L3MBTL1: variants seen among roughly 807,000 people sequenced by gnomAD.
The protein encoded by L3MBTL1 is L3MBTL histone methyl-lysine binding protein 1.
Under a neutral mutation model 105.3 loss-of-function variants are expected in L3MBTL1, and 75 were observed. That is an observed-to-expected ratio of 0.71 (90% CI 0.59 to 0.86). The LOEUF (loss-of-function observed/expected upper bound fraction) is 0.86, where lower values mean the gene tolerates loss of function less well. Ranked by LOEUF, L3MBTL1 falls within the 40% of genes least tolerant of loss-of-function variation. The probability of loss-of-function intolerance (pLI) is 0.00; values close to 1 mark genes in which losing one functional copy is unlikely to be tolerated. For missense variants in L3MBTL1, 1,069 were observed against 1,126.4 expected (o/e 0.95, Z 0.73); for synonymous variants, 452 against 436.2 (o/e 1.04, Z -0.45).
chr20:43,516,215 G>A lies in L3MBTL1; in HGVS notation c.862+38G>A. ...GTGTGTATATATATTCGTGTGAGGTGTGTATATACCTTTGGAGGTGTGAGG... is the reference window on the plus strand; with the variant it reads ...GTGTGTATATATATTCGTGTGAGGTATGTATATACCTTTGGAGGTGTGAGG... On this transcript the variant is annotated intron_variant, in intron 7 of 21. Transcript: ENST00000418998. 2.7e-6 allele frequency: 4 copies of A among 1,473,966 alleles called. No individual in the cohort carries two copies. The South Asian group carries it at 3.4e-5, about 13-fold the overall frequency. The allele number at this position is 1,473,966 out of a possible 1,614,324, so 91.3% of individuals were successfully genotyped here.
chr20:43,536,396 C>T lies in L3MBTL1; in HGVS notation c.2124-13C>T, dbSNP rs749923859. ...CTGATTCCCTGCCATGGACCTGGTC[C>T]GTCTTTCTCCAGAATTGGACGCCCT... On this transcript the variant is annotated splice_polypyrimidine_tract_variant and intron_variant, in intron 18 of 21. Coordinates refer to ENST00000418998, the MANE Select transcript of L3MBTL1 (RefSeq NM_001377303.1). 11 of 1,613,884 alleles carry T rather than the reference C, an allele frequency of 6.8e-6. No homozygotes were observed. The highest frequency in any genetic ancestry group is 5.3e-5 in the African/African-American group (4 of 74,936).
chr20:43,539,979 T>C (rs908127847), intron 19 of L3MBTL1, 172 bp from the exon 20 acceptor site: 1 of 706,882 alleles, frequency 1.4e-6, no homozygotes, highest in African/African-American at 1.7e-5. Context: ...GTGAACACTG[T>C]GTGAGGAGTC....
chr20:43,534,511 T>C, intron 15 of L3MBTL1, 117 bp downstream of exon 15: 1 of 807,578 alleles, frequency 1.2e-6, no homozygotes. Context: ...AGATCTTGAA[T>C]CTCATTCTTG....
At chr20:43,531,024 A>G (rs558228522) in intron 11 of L3MBTL1, 135 bp downstream of exon 11, 1 of 725,106 alleles carries the variant, frequency 1.4e-6, no homozygotes, top group African/African-American at 1.8e-5. Flanking sequence ...CTCATATCAG[A>G]TGGGAGGGGT....
chr20:43,544,752 G>T (rs1978473846), downstream of L3MBTL1, among the ~76,000 whole-genome samples: 1 of 152,134 alleles, frequency 6.6e-6, no homozygotes, highest in Non-Finnish European at 1.5e-5. Flanking sequence ...ATTATTTGAG[G>T]TCAGGAGTTC....
chr20:43,516,419 G>C (rs1204993061), intron 7 of L3MBTL1, among the ~76,000 whole-genome samples: 2 of 152,188 alleles, frequency 1.3e-5, no homozygotes, highest in Non-Finnish European at 2.9e-5. Flanking sequence ...GTCATGACTA[G>C]GCCCCAGTGC....
At chr20:43,548,007 C>A in intron 18 of L3MBTL1, 1 of 613,764 alleles carries the variant, frequency 1.6e-6, no homozygotes, top group Non-Finnish European at 2.5e-6. Flanking sequence ...TTTACTCCTA[C>A]TCCCCTCCCC....
chr20:43,545,858 G>A (rs778824527), downstream of L3MBTL1, among the ~76,000 whole-genome samples: 1 of 152,200 alleles, frequency 6.6e-6, no homozygotes, highest in Non-Finnish European at 1.5e-5. Context: ...CAGAGCTGCT[G>A]GGGGGACAGA....
intron 7 of L3MBTL1, among the ~76,000 whole-genome samples, chr20:43,520,756 A>T (rs570497897): frequency 3.2e-4 from 49 of 152,308 alleles, no homozygotes; most frequent in Non-Finnish European, 6.0e-4. Flanking sequence ...AACAGATTTT[A>T]TATTGAAATA....
chr20:43,525,869 A>G (rs1398481594), intron 7 of L3MBTL1, among the ~76,000 whole-genome samples: 1 of 152,230 alleles, frequency 6.6e-6, no homozygotes, highest in Non-Finnish European at 1.5e-5. Flanking sequence ...AGTACCAGAC[A>G]TGGCACACAG....
chr20:43,534,482 A>C (rs1192349751), intron 15 of L3MBTL1, 88 bp downstream of exon 15: 4 of 1,004,456 alleles, frequency 4.0e-6, no homozygotes, highest in Admixed American at 2.0e-5. Flanking sequence ...GCATCATGGC[A>C]TGAGAGAGAT....
downstream of L3MBTL1, chr20:43,541,905 T>A: frequency 4.1e-6 from 4 of 985,488 alleles, no homozygotes; most frequent in Non-Finnish European, 4.8e-6. Flanking sequence ...AGTGCATAGT[T>A]GTCCTTAAGT....
chr20:43,548,297 C>T (rs1016631715), exon 19 of L3MBTL1: 3 of 1,284,942 alleles, frequency 2.3e-6, no homozygotes, highest in East Asian at 5.6e-5. Context: ...CCCTCTCCAG[C>T]TGATGCTTTC....
chr20:43,535,991 G>A, intron 17 of L3MBTL1, 55 bp downstream of exon 17: 1 of 1,586,306 alleles, frequency 6.3e-7, no homozygotes, highest in Non-Finnish European at 8.6e-7. Context: ...CTTACTGCAT[G>A]CAGGCGACTG....
intron 19 of L3MBTL1, among the ~76,000 whole-genome samples, chr20:43,536,826 C>T (rs1481520609): frequency 1.3e-5 from 2 of 152,234 alleles, no homozygotes; most frequent in Admixed American, 6.5e-5. Flanking sequence ...AAGCAAGTCA[C>T]TTAACATCTT....
At chr20:43,514,968 G>A (rs2018301137) in intron 4 of L3MBTL1, 41 bp from the exon 5 acceptor site, 1 of 1,601,874 alleles carries the variant, frequency 6.2e-7, no homozygotes, top group Admixed American at 1.7e-5. Flanking sequence ...GAGTGTGGCT[G>A]CGATGGGGAG....
Position 43,513,521 on chromosome 20 carries a change from A to G in L3MBTL1, c.18A>G (p.Glu6=). 4 of 1,550,770 alleles carry G rather than the reference A, an allele frequency of 2.6e-6. No individual in the cohort carries two copies. The highest frequency in any genetic ancestry group is 1.7e-6 in the Non-Finnish European group (2 of 1,147,012). The change falls in exon 2 of 22, where the codon GAA becomes GAG. Residue 6 remains glutamate (E), a synonymous_variant. Transcript: ENST00000418998. ...ATGCTGGGATGGAGGGGCATGCTGA[A>G]ATGGAGATGCTGAGGACACTGAAGG... MEGHA[E]MEMLRTLKGP...
Position 43,531,030 on chromosome 20 carries a change from G to A in L3MBTL1, c.1284+141G>A, listed in dbSNP as rs964799430. 10 of 706,788 alleles carry A rather than the reference G, an allele frequency of 1.4e-5. No homozygotes were observed. The African/African-American group carries it at 1.6e-4, about 11-fold the overall frequency. The allele number at this position is 706,788 out of a possible 1,614,324, so 43.8% of individuals were successfully genotyped here. A position where few individuals can be genotyped will look rare whatever the true frequency, so the allele number is the denominator to read the frequency against. ...TTCTGATCTCTCATATCAGATGGGA[G>A]GGGTACAGCTGGGCAGGGTCCAGGG... On this transcript the variant is annotated intron_variant, in intron 11 of 21. Transcript: ENST00000418998.
rs2019875705 is a variant in L3MBTL1 at position 43,540,820 on chromosome 20, G to C, written c.2394+5G>C. The C allele has an allele frequency of 1.9e-6, 3 of 1,614,174 alleles. No homozygotes were observed. Among genetic ancestry groups the C allele is most frequent in the Middle Eastern group, 1.6e-4 (1 of 6,062 alleles). ...GCACGCCTCTTCAAAGACGAGGTAA[G>C]GTGCAAGTGCAGAGTGGGAGACAGA... On this transcript the variant is annotated splice_donor_5th_base_variant and intron_variant, in intron 21 of 21. Coordinates refer to ENST00000418998, the MANE Select transcript of L3MBTL1 (RefSeq NM_001377303.1).
Sources: allele counts gnomAD v4.1 joint callset (sites outside exome capture counted in the v4.1 genomes callset), GRCh38; gene constraint gnomAD v4.1.1; transcripts MANE v1.5; gene names NCBI Gene and HGNC (gene_info 2026-07-23, HGNC 2026-07-21).